EML5: variants seen among roughly 807,000 people sequenced by gnomAD.
The protein encoded by EML5 is echinoderm microtubule-associated protein-like 5.
Under a neutral mutation model 250.0 loss-of-function variants are expected in EML5, and 120 were observed. The observed-to-expected ratio is 0.48, with a 90% CI of 0.41 to 0.56. EML5 has a LOEUF of 0.56. Among genes scored for constraint, EML5 ranks in the 20% least tolerant of loss-of-function variants. The pLI, the probability that EML5 is intolerant of heterozygous loss-of-function variation, is 0.00. For missense variants in EML5, 2,006 were observed against 2,437.6 expected, an observed-to-expected ratio of 0.82 and a Z score of 3.73; for synonymous variants, 771 against 806.5, an observed-to-expected ratio of 0.96 and a Z score of 0.75.
At chr14:88,662,704 A>C (rs1309755662) in intron 24 of EML5, among the ~76,000 whole-genome samples, 1 of 151,842 alleles carries the variant, frequency 6.6e-6, no homozygotes, top group Admixed American at 6.6e-5. Context: ...CACCATGCCC[A>C]GCTAATTTTT....
intron 21 of EML5, among the ~76,000 whole-genome samples, chr14:88,677,648 C>A (rs1408218632): frequency 6.6e-6 from 1 of 152,190 alleles, no homozygotes; most frequent in Non-Finnish European, 1.5e-5. Context: ...CATAAGCAGA[C>A]AATTCTCAAA....
intron 7 of EML5, among the ~76,000 whole-genome samples, chr14:88,728,764 A>G (rs2093706876): frequency 6.6e-6 from 1 of 152,156 alleles, no homozygotes; most frequent in African/African-American, 2.4e-5. Flanking sequence ...ATTATATATC[A>G]TTTTATATAA....
At position 88,643,836 on chromosome 14, in the gene EML5, G is replaced by A. The variant is rs192314742; in HGVS notation, c.4107+597C>T. Among the ~76,000 whole-genome samples the A allele has an allele frequency of 3.5e-4, 54 of 152,288 alleles. 1 individual carries two copies. In the East Asian group the frequency reaches 9.8e-3, roughly 28 times the overall value. ...AATGTACATTTCATTGACTTTGTAG[G>A]ACTAGGTTGGGGAGGGAACGACAGC... On this transcript the variant is annotated intron_variant, in intron 30 of 43. Transcript: ENST00000554922.
At chr14:88,724,895 G>C (rs1382589312) in intron 8 of EML5, among the ~76,000 whole-genome samples, 2 of 152,142 alleles carry the variant, frequency 1.3e-5, no homozygotes, top group Non-Finnish European at 2.9e-5. Context: ...AGAATCAATA[G>C]ATCAAATCAG....
intron 21 of EML5, among the ~76,000 whole-genome samples, chr14:88,669,894 C>A (rs2092411263): frequency 6.6e-6 from 1 of 152,146 alleles, no homozygotes; most frequent in Non-Finnish European, 1.5e-5. Context: ...AAGGAGCAGG[C>A]AGCTACCTTT....
At chr14:88,760,594 CTG>C (rs2094225773) in intron 1 of EML5, among the ~76,000 whole-genome samples, 1 of 152,160 alleles carries the variant, frequency 6.6e-6, no homozygotes, top group Non-Finnish European at 1.5e-5. Context: ...AAATTGAATA[CTG>C]TGAGTCCTCT....
chr14:88,788,243 G>C (rs769016691), intron 1 of EML5, among the ~76,000 whole-genome samples: 1 of 152,078 alleles, frequency 6.6e-6, no homozygotes, highest in Non-Finnish European at 1.5e-5. Flanking sequence ...TTACAATTTT[G>C]ACTTGCGTTG....
chr14:88,657,509 T>A lies in EML5; in HGVS notation c.3878-7A>T. On this transcript the variant is annotated splice_polypyrimidine_tract_variant and splice_region_variant and intron_variant, in intron 26 of 43. Coordinates refer to ENST00000554922, the MANE Select transcript of EML5 (RefSeq NM_183387.3). ...GTAACATCACTGTCATAGCCTACAA[T>A]AAAAATATACGAGTAATTCTTTAAG... is the stretch of plus-strand genomic sequence containing the variant. The A allele has an allele frequency of 6.3e-7, 1 of 1,588,096 alleles. No individual in the cohort carries two copies. The highest frequency in any genetic ancestry group is 8.6e-7 in the Non-Finnish European group (1 of 1,169,222).
intron 23 of EML5, 92 bp from the exon 24 acceptor site, chr14:88,663,211 T>C: frequency 1.2e-6 from 1 of 830,522 alleles, no homozygotes; most frequent in Non-Finnish European, 1.7e-6. Flanking sequence ...TGGGAAAAAA[T>C]CAGCTTAAAT....
intron 1 of EML5, among the ~76,000 whole-genome samples, chr14:88,768,481 G>A (rs1208163093): frequency 2.0e-5 from 3 of 151,976 alleles, no homozygotes; most frequent in African/African-American, 2.4e-5. Context: ...CGCAATCTTG[G>A]CTCGCTGCAA....
intron 31 of EML5, among the ~76,000 whole-genome samples, chr14:88,640,759 C>T (rs900936274): frequency 2.6e-5 from 4 of 151,598 alleles, no homozygotes; most frequent in Non-Finnish European, 5.9e-5. Context: ...AAAGAATCAA[C>T]AAAATAAAAA....
intron 32 of EML5, among the ~76,000 whole-genome samples, chr14:88,638,156 T>C (rs1043514970): frequency 4.6e-5 from 7 of 152,262 alleles, no homozygotes; most frequent in Admixed American, 6.5e-5. Context: ...ATGAAACTTC[T>C]GCCATATTCA....
At chr14:88,684,407 T>C (rs2092783386) in intron 20 of EML5, among the ~76,000 whole-genome samples, 1 of 139,354 alleles carries the variant, frequency 7.2e-6, no homozygotes, top group East Asian at 2.2e-4. Flanking sequence ...CCTGACCTCG[T>C]GATCCGCCCG....
chr14:88,767,858 A>G (rs1213299457), intron 1 of EML5, among the ~76,000 whole-genome samples: 2 of 137,756 alleles, frequency 1.5e-5, no homozygotes, highest in Non-Finnish European at 3.0e-5. Context: ...GTACAATATC[A>G]TTACCTAAAC....
intron 19 of EML5, among the ~76,000 whole-genome samples, chr14:88,686,399 TAATAATAATAATAAC>T (rs576414677): frequency 5.0e-4 from 76 of 151,190 alleles, no homozygotes; most frequent in Non-Finnish European, 1.0e-3. Flanking sequence ...ACTCAAGGTA[TAATAATAATAATAAC>T]AATAATAATA....
chr14:88,771,228 G>A (rs1390447900), intron 1 of EML5, among the ~76,000 whole-genome samples: 2 of 152,156 alleles, frequency 1.3e-5, no homozygotes, highest in Non-Finnish European at 2.9e-5. Context: ...ACTCTCACAT[G>A]AGCACAGTTC....
chr14:88,680,288 T>G (rs1016860560), intron 21 of EML5, among the ~76,000 whole-genome samples: 3 of 152,322 alleles, frequency 2.0e-5, no homozygotes, highest in African/African-American at 2.4e-5. Flanking sequence ...TGTCATTTTC[T>G]TCTAGTATTA....
chr14:88,687,386 C>A (rs935689362), intron 18 of EML5, 59 bp from the exon 19 acceptor site: 5 of 1,221,480 alleles, frequency 4.1e-6, no homozygotes, highest in Admixed American at 5.7e-5. Flanking sequence ...AAATAGTAAC[C>A]TTTTTCCTTA....
intron 1 of EML5, among the ~76,000 whole-genome samples, chr14:88,778,283 AC>A (rs1358011919): frequency 2.6e-5 from 4 of 152,260 alleles, no homozygotes; most frequent in African/African-American, 9.6e-5. Context: ...GAAAGTTCTT[AC>A]TTATCAATAA....
Sources: allele counts gnomAD v4.1 joint callset (sites outside exome capture counted in the v4.1 genomes callset), GRCh38; gene constraint gnomAD v4.1.1; transcripts MANE v1.5; gene names NCBI Gene and HGNC (gene_info 2026-07-23, HGNC 2026-07-21).